Variants in TRIM71 observed in about 807,000 individuals in gnomAD.
TRIM71 encodes the protein tripartite motif containing 71, also known as E3 ubiquitin-protein ligase TRIM71.
TRIM71 carries 9 observed loss-of-function variants against 61.2 expected under a neutral mutation model. The ratio of observed to expected loss-of-function variants is 0.15; its 90% CI spans 0.09 to 0.26. The LOEUF (loss-of-function observed/expected upper bound fraction) is 0.26, where lower values mean the gene tolerates loss of function less well. Among genes scored for constraint, TRIM71 ranks in the 10% least tolerant of loss-of-function variants. TRIM71 has a pLI of 1.00. For synonymous variants in TRIM71, 645 were observed against 553.2 expected, an observed-to-expected ratio of 1.17 and a Z score of -2.33; for missense variants, 998 against 1,238.7, an observed-to-expected ratio of 0.81 and a Z score of 2.92.
chr3:32,857,782 C>A (rs1223033922), intron 1 of TRIM71, among the ~76,000 whole-genome samples: 1 of 152,152 alleles, frequency 6.6e-6, no homozygotes, highest in Non-Finnish European at 1.5e-5. Context: ...ACCAGCCTGG[C>A]CAACATGGCG....
intron 1 of TRIM71, among the ~76,000 whole-genome samples, chr3:32,844,944 T>G (rs57546471): frequency 0.34 from 52,316 of 152,174 alleles, 10,542 homozygotes; most frequent in Middle Eastern, 0.48. Flanking sequence ...TAATGAAGAC[T>G]GAGTTTTTGG....
chr3:32,858,917 A>C (rs1002621608), intron 1 of TRIM71, among the ~76,000 whole-genome samples: 2 of 152,176 alleles, frequency 1.3e-5, no homozygotes, highest in East Asian at 3.9e-4. Context: ...GAGCTTGTGA[A>C]TTTTCTTTTT....
At chr3:32,874,243 C>T (rs982933345) in intron 2 of TRIM71, among the ~76,000 whole-genome samples, 10 of 152,136 alleles carry the variant, frequency 6.6e-5, no homozygotes, top group African/African-American at 2.4e-4. Context: ...GCACGTGTCC[C>T]ACCCAGCCAC....
At position 32,897,187 on chromosome 3, in the gene TRIM71, T is replaced by G. The variant is rs1273364829; in HGVS notation, c.*5376T>G. On this transcript the variant is annotated 3_prime_UTR_variant, in exon 4 of 4. Coordinates refer to ENST00000383763, the MANE Select transcript of TRIM71 (RefSeq NM_001039111.3). ...GCAGAACATGTGACTCGGTTGAGTC[T>G]TTTTGTCTTTTTTTTTTTTAAATAA... 2.0e-5 allele frequency: 3 copies of G among 151,900 alleles called. No homozygotes were observed. Among genetic ancestry groups the G allele is most frequent in the Non-Finnish European group, 4.4e-5 (3 of 68,012 alleles). 9.4% of individuals were successfully genotyped at this position (151,900 alleles called of 1,614,324 possible).
chr3:32,829,127 G>A (rs1008699813), intron 1 of TRIM71, among the ~76,000 whole-genome samples: 26 of 151,630 alleles, frequency 1.7e-4, no homozygotes, highest in Non-Finnish European at 2.9e-4. Flanking sequence ...CTGAGTAGCT[G>A]GGAGTACAGG....
At chr3:32,868,590 GA>G (rs1218913478) in intron 1 of TRIM71, among the ~76,000 whole-genome samples, 2 of 150,846 alleles carry the variant, frequency 1.3e-5, no homozygotes, top group African/African-American at 4.9e-5. Flanking sequence ...ATAGTTAAGA[GA>G]AACTTTGTTT....
At chr3:32,840,263 C>T (rs1226580147) in intron 1 of TRIM71, among the ~76,000 whole-genome samples, 1 of 150,056 alleles carries the variant, frequency 6.7e-6, no homozygotes, top group Admixed American at 6.7e-5. Context: ...TGCTGGGGAT[C>T]TCTGATTGGA....
chr3:32,892,044 G>T lies in TRIM71; in HGVS notation c.*233G>T. 1.9e-6 allele frequency: 1 copy of T among 520,008 alleles called. No individual in the cohort carries two copies. Among genetic ancestry groups the T allele is most frequent in the Admixed American group, 4.1e-5 (1 of 24,558 alleles). The allele number at this position is 520,008 out of a possible 1,614,324, so 32.2% of individuals were successfully genotyped here. On this transcript the variant is annotated 3_prime_UTR_variant, in exon 4 of 4. Coordinates refer to ENST00000383763, the MANE Select transcript of TRIM71 (RefSeq NM_001039111.3). Reference sequence around the variant, plus strand: ...TATCTTTTCTGCAGGGATTGAGCCTGTGAAGTGATAATTTCTATCTACCTC... The same window carrying T: ...TATCTTTTCTGCAGGGATTGAGCCTTTGAAGTGATAATTTCTATCTACCTC...
chr3:32,824,136 C>G (rs564733687), intron 1 of TRIM71, among the ~76,000 whole-genome samples: 1 of 152,058 alleles, frequency 6.6e-6, no homozygotes, highest in African/African-American at 2.4e-5. Flanking sequence ...CTAGTTCTCC[C>G]TCCCATTGTA....
rs1697057213 is a variant in TRIM71, at chr3:32,894,281, C to T, written c.*2470C>T. On this transcript the variant is annotated 3_prime_UTR_variant, in exon 4 of 4. Transcript: ENST00000383763. ...TTTTCATCATCATTTTCATTCTGCT[C>T]TTTTCTTTCTAATTTCCCCAGATGT... 6.6e-6 allele frequency: 1 copy of T among 152,042 alleles called. No individual in the cohort carries two copies. Among genetic ancestry groups the T allele is most frequent in the African/African-American group, 2.4e-5 (1 of 41,380 alleles). 9.4% of individuals were successfully genotyped at this position (152,042 alleles called of 1,614,324 possible).
intron 1 of TRIM71, among the ~76,000 whole-genome samples, chr3:32,849,171 GA>G (rs1696510589): frequency 6.6e-6 from 1 of 152,172 alleles, no homozygotes; most frequent in Non-Finnish European, 1.5e-5. Context: ...AGTTTGGATG[GA>G]TAAGGTCAGA....
chr3:32,835,991 T>C (rs776318630), intron 1 of TRIM71, among the ~76,000 whole-genome samples: 2 of 152,164 alleles, frequency 1.3e-5, no homozygotes, highest in South Asian at 2.1e-4. Flanking sequence ...TTGGCCTTTA[T>C]GGTGTGAAAT....
At chr3:32,884,764 G>C (rs1696943029) in intron 2 of TRIM71, among the ~76,000 whole-genome samples, 1 of 152,048 alleles carries the variant, frequency 6.6e-6, no homozygotes, top group African/African-American at 2.4e-5. Context: ...TTTTATGATA[G>C]GAGCTAAGTG....
chr3:32,879,854 G>A (rs1696888844), intron 2 of TRIM71, among the ~76,000 whole-genome samples: 2 of 151,706 alleles, frequency 1.3e-5, no homozygotes, highest in Admixed American at 6.6e-5. Flanking sequence ...CGTGTCTGTA[G>A]TCCCAGCTAC....
rs1697068540 is a variant in TRIM71 at position 32,895,532 on chromosome 3, G to C, written c.*3721G>C. 6.6e-6 allele frequency: 1 copy of C among 152,196 alleles called. No individual in the cohort carries two copies. Among genetic ancestry groups the C allele is most frequent in the African/African-American group, 2.4e-5 (1 of 41,448 alleles). The allele number at this position is 152,196 out of a possible 1,614,324, so 9.4% of individuals were successfully genotyped here. On this transcript the variant is annotated 3_prime_UTR_variant, in exon 4 of 4. Coordinates refer to ENST00000383763, the MANE Select transcript of TRIM71 (RefSeq NM_001039111.3). ...AAGATTCTACGATTGCTCTGTTCTGGTAGGTGGTGAAAGATATGCCAAAGT... is the reference window on the plus strand; with the variant it reads ...AAGATTCTACGATTGCTCTGTTCTGCTAGGTGGTGAAAGATATGCCAAAGT...
intron 1 of TRIM71, among the ~76,000 whole-genome samples, chr3:32,844,474 G>A (rs1160009793): frequency 2.0e-5 from 3 of 152,006 alleles, no homozygotes; most frequent in Admixed American, 6.6e-5. Context: ...ACAGCTCACC[G>A]GAGCCTCGGC....
At chr3:32,838,522 C>CTTT (rs11361989) in intron 1 of TRIM71, among the ~76,000 whole-genome samples, 1 of 136,724 alleles carries the variant, frequency 7.3e-6, no homozygotes, top group African/African-American at 2.8e-5. Context: ...TGCACCTGGC[C>CTTT]TTTTTTTTTT....
chr3:32,839,254 A>G (rs1214101297), intron 1 of TRIM71, among the ~76,000 whole-genome samples: 2 of 149,146 alleles, frequency 1.3e-5, no homozygotes, highest in Non-Finnish European at 3.0e-5. Context: ...TTTTGAGACA[A>G]GAGTCTCATT....
At chr3:32,865,417 A>C (rs1696721676) in intron 1 of TRIM71, among the ~76,000 whole-genome samples, 1 of 152,104 alleles carries the variant, frequency 6.6e-6, no homozygotes, top group South Asian at 2.1e-4. Context: ...AACTACATAC[A>C]CGAGTTACAC....
Sources: gnomAD v4.1 joint callset for allele counts (sites outside exome capture counted in the v4.1 genomes callset) on GRCh38, gnomAD v4.1.1 for gene constraint, MANE v1.5 for transcripts, NCBI Gene and HGNC (gene_info 2026-07-23, HGNC 2026-07-21) for gene names.